NAGS: variants seen among roughly 807,000 people sequenced by gnomAD.
NAGS encodes N-acetylglutamate synthase, mitochondrial.
Under a neutral mutation model 46.9 loss-of-function variants are expected in NAGS, and 34 were observed. The ratio of observed to expected loss-of-function variants is 0.72; its 90% CI spans 0.55 to 0.97. The LOEUF is 0.97. Among genes scored for constraint, NAGS ranks in the 50% least tolerant of loss-of-function variants. The probability of loss-of-function intolerance (pLI) is 0.00; values close to 1 mark genes in which losing one functional copy is unlikely to be tolerated. For synonymous variants in NAGS, 334 were observed against 346.3 expected, an observed-to-expected ratio of 0.96 and a Z score of 0.39; for missense variants, 665 against 747.0, an observed-to-expected ratio of 0.89 and a Z score of 1.28.
chr17:44,007,245 G>T lies in NAGS; in HGVS notation c.1097-78G>T. Reference sequence around the variant, plus strand: ...CAAAGACGGAAATTGTCCCACCAGCGCCTGTCCTACCTGCAGTCCCCACCA... The same window carrying T: ...CAAAGACGGAAATTGTCCCACCAGCTCCTGTCCTACCTGCAGTCCCCACCA... On this transcript the variant is annotated intron_variant, in intron 4 of 6. Coordinates refer to ENST00000293404, the MANE Select transcript of NAGS (RefSeq NM_153006.3). The surrounding 1 kb of genome is among the most constrained non-coding windows in gnomAD (Gnocchi z 5.1). 7.1e-7 allele frequency: 1 copy of T among 1,405,960 alleles called. No homozygotes were observed. 87.1% of individuals were successfully genotyped at this position (1,405,960 alleles called of 1,614,324 possible).
chr17:44,008,798 C>G lies in NAGS; in HGVS notation c.*197C>G. On this transcript the variant is annotated 3_prime_UTR_variant, in exon 7 of 7. Transcript: ENST00000293404. Reference sequence around the variant, plus strand: ...AAGCACAGGAAAGAAGGGGACCAGTCTAGGACCCCAACTCGACTCACTCTA... The same window carrying G: ...AAGCACAGGAAAGAAGGGGACCAGTGTAGGACCCCAACTCGACTCACTCTA... The G allele has an allele frequency of 7.1e-6, 5 of 700,616 alleles. No homozygotes were observed. The highest frequency in any genetic ancestry group is 1.2e-5 in the Non-Finnish European group (5 of 411,282). The allele number at this position is 700,616 out of a possible 1,614,324, so 43.4% of individuals were successfully genotyped here.
At position 44,005,918 on chromosome 17, in the gene NAGS, GC is replaced by G. The variant is rs1304329263; in HGVS notation, c.701+10del. The G allele has an allele frequency of 1.9e-6, 3 of 1,546,378 alleles. No individual in the cohort carries two copies. The highest frequency in any genetic ancestry group is 2.6e-6 in the Non-Finnish European group (3 of 1,150,260). On this transcript the variant is annotated splice_region_variant and intron_variant, in intron 2 of 6. Transcript: ENST00000293404. The surrounding 1 kb of genome is among the most constrained non-coding windows in gnomAD (Gnocchi z 7.2). ...AGCCGGCTCCCCATGCCAGGTGAGT[GC>G]CCGCCCTGCCCGCCCAGGCGTCCTC...
At position 44,005,499 on chromosome 17, in the gene NAGS, A is replaced by T; in HGVS notation, c.427-138A>T. On this transcript the variant is annotated intron_variant, in intron 1 of 6. Coordinates refer to ENST00000293404, the MANE Select transcript of NAGS (RefSeq NM_153006.3). This position sits in a 1 kb window ranked among gnomAD's most constrained non-coding sequence, Gnocchi z 7.2. The stretch of plus-strand genomic sequence containing the variant: ...GACCCAACGGGGCAAAGGGCGGAGC[A>T]GGTGGGCACTGGTGGCCAGAACTGG... 8.5e-7 allele frequency: 1 copy of T among 1,181,742 alleles called. No individual in the cohort carries two copies. The highest frequency in any genetic ancestry group is 1.2e-6 in the Non-Finnish European group (1 of 831,468). 73.2% of individuals were successfully genotyped at this position (1,181,742 alleles called of 1,614,324 possible).
rs768969364 is a variant in NAGS at position 44,007,625 on chromosome 17, G to A, written c.1303G>A (p.Val435Ile). Residue 435 changes from valine to isoleucine, a missense_variant, in exon 6 of 7, where the codon GTC becomes ATC. Transcript: ENST00000293404. The surrounding 1 kb of genome is among the most constrained non-coding windows in gnomAD (Gnocchi z 5.1). The part of the protein sequence containing the change: ...NAAAILTMEP[V>I]LGGTPYLDKF... ...CGCCGCCATTCTGACCATGGAGCCC[G>A]TCCTGGGGGGCACCCCGTACCTGGA... is the stretch of plus-strand genomic sequence containing the variant. The A allele has an allele frequency of 1.2e-6, 2 of 1,606,032 alleles. No homozygotes were observed. Among genetic ancestry groups the A allele is most frequent in the South Asian group, 2.2e-5 (2 of 90,068 alleles).
In NAGS at chr17:44,006,145, C is replaced by T; in HGVS notation, c.823C>T (p.Leu275=). The T allele has an allele frequency of 1.2e-6, 2 of 1,613,290 alleles. No individual in the cohort carries two copies. Among genetic ancestry groups the T allele is most frequent in the Non-Finnish European group, 1.7e-6 (2 of 1,179,962 alleles). The change falls in exon 3 of 7, where the codon CTG becomes TTG. Residue 275 remains leucine, a synonymous_variant. Coordinates refer to ENST00000293404, the MANE Select transcript of NAGS (RefSeq NM_153006.3). This position sits in a 1 kb window ranked among gnomAD's most constrained non-coding sequence, Gnocchi z 4.8. ...AARRSVLLDS[L]EVTASLAKAL... Reference sequence around the variant, plus strand: ...GCGCCGCTCCGTGCTTCTCGACTCCCTGGAGGTGACCGCGTCGCTGGCCAA... The same window carrying T: ...GCGCCGCTCCGTGCTTCTCGACTCCTTGGAGGTGACCGCGTCGCTGGCCAA...
chr17:44,004,763 G>A lies in NAGS; in HGVS notation c.100G>A (p.Gly34Ser). ...TGGGGGCGCCCGAAGGCTGAGCTGT[G>A]GCGCGCGGCGGCGGGCGGCGAGGGG... is the stretch of plus-strand genomic sequence containing the variant. ...GTGGARRLSC[G>S]ARRRAARGTS... is the part of the protein sequence containing the mutation. Residue 34 changes from glycine (G) to serine (S), a missense_variant, in exon 1 of 7, where the codon GGC (glycine) becomes AGC (serine). Coordinates refer to ENST00000293404, the MANE Select transcript of NAGS (RefSeq NM_153006.3). The A allele has an allele frequency of 7.1e-7, 1 of 1,398,944 alleles. No homozygotes were observed. The highest frequency in any genetic ancestry group is 9.2e-7 in the Non-Finnish European group (1 of 1,082,676). 86.7% of individuals were successfully genotyped at this position (1,398,944 alleles called of 1,614,324 possible). A position where few individuals can be genotyped will look rare whatever the true frequency, so the allele number is the denominator to read the frequency against.
Position 44,006,895 on chromosome 17 carries a change from T to G in NAGS, c.1096+186T>G, listed in dbSNP as rs1202977775. Reference sequence around the variant, plus strand: ...GGAGGTGAGAGAGGAGGAGACCCAGTGTACTGGAAGGGAACTCCGAAGGAA... The same window carrying G: ...GGAGGTGAGAGAGGAGGAGACCCAGGGTACTGGAAGGGAACTCCGAAGGAA... On this transcript the variant is annotated intron_variant, in intron 4 of 6. Transcript: ENST00000293404. The surrounding 1 kb of genome is among the most constrained non-coding windows in gnomAD (Gnocchi z 4.8). 2.8e-5 allele frequency: 16 copies of G among 576,762 alleles called. No individual in the cohort carries two copies. The highest frequency in any genetic ancestry group is 6.4e-5 in the South Asian group (3 of 46,918). The allele number at this position is 576,762 out of a possible 1,614,324, so 35.7% of individuals were successfully genotyped here.
Position 44,006,715 on chromosome 17 carries a change from G to A in NAGS, c.1096+6G>A, listed in dbSNP as rs375193099. 5.0e-6 allele frequency: 8 copies of A among 1,594,436 alleles called. No individual in the cohort carries two copies. In the African/African-American group the frequency reaches 8.0e-5, roughly 16 times the overall value. ...TGAGCTCTTTAGCAACAAGGGTGAG[G>A]GCGGTGGGCGGGCCGGGGACTGGGT... On this transcript the variant is annotated splice_donor_region_variant and intron_variant, in intron 4 of 6. Transcript: ENST00000293404. This position sits in a 1 kb window ranked among gnomAD's most constrained non-coding sequence, Gnocchi z 4.8.
chr17:44,008,668 T>A lies in NAGS; in HGVS notation c.*67T>A, dbSNP rs2049125350. On this transcript the variant is annotated 3_prime_UTR_variant, in exon 7 of 7. Transcript: ENST00000293404. ...GACCAAAAGCCATGCCAGCTGGGCA[T>A]GACCCCAGGCAGCCAGCCACAGGCT... 6.2e-7 allele frequency: 1 copy of A among 1,605,600 alleles called. No individual in the cohort carries two copies. The highest frequency in any genetic ancestry group is 8.5e-7 in the Non-Finnish European group (1 of 1,173,990).
At position 44,006,773 on chromosome 17, in the gene NAGS, C is replaced by T; in HGVS notation, c.1096+64C>T. Reference sequence around the variant, plus strand: ...GTGAGTACTGGCCGGGGCTGGGTGTCTGCGGTCAGGAGGAGCGGCTTCTCC... The same window carrying T: ...GTGAGTACTGGCCGGGGCTGGGTGTTTGCGGTCAGGAGGAGCGGCTTCTCC... On this transcript the variant is annotated intron_variant, in intron 4 of 6. Coordinates refer to ENST00000293404, the MANE Select transcript of NAGS (RefSeq NM_153006.3). This position sits in a 1 kb window ranked among gnomAD's most constrained non-coding sequence, Gnocchi z 4.8. 1 of 1,503,104 alleles carries T rather than the reference C, an allele frequency of 6.7e-7. No individual in the cohort carries two copies. Among genetic ancestry groups the T allele is most frequent in the Non-Finnish European group, 9.0e-7 (1 of 1,116,208 alleles). 93.1% of individuals were successfully genotyped at this position (1,503,104 alleles called of 1,614,324 possible).
chr17:44,006,093 C>A lies in NAGS; in HGVS notation c.771C>A (p.Ile257=), dbSNP rs777226243. The change falls in exon 3 of 7, where the codon ATC becomes ATA. Residue 257 remains isoleucine (I), a synonymous_variant. Coordinates refer to ENST00000293404, the MANE Select transcript of NAGS (RefSeq NM_153006.3). This position sits in a 1 kb window ranked among gnomAD's most constrained non-coding sequence, Gnocchi z 4.8. ...GCCTGGAGTCGGGCAGCATCCCCAT[C>A]CTGTGCCCCATCGGGGAGACGGCCG... ...QWCLESGSIP[I]LCPIGETAAR... is the part of the protein sequence containing the mutation. The A allele has an allele frequency of 6.2e-7, 1 of 1,612,774 alleles. No homozygotes were observed. Among genetic ancestry groups the A allele is most frequent in the South Asian group, 1.1e-5 (1 of 90,996 alleles).
At position 44,005,345 on chromosome 17, in the gene NAGS, C is replaced by A. The variant is rs562609769; in HGVS notation, c.426+256C>A. On this transcript the variant is annotated intron_variant, in intron 1 of 6. Transcript: ENST00000293404. The surrounding 1 kb of genome is among the most constrained non-coding windows in gnomAD (Gnocchi z 7.2). ...CTCTGAAGAAGGCCCCCAACATGGG[C>A]GCAGTTAGGGGTTCAGAAGGACCTG... Among the ~76,000 whole-genome samples the A allele has an allele frequency of 3.9e-5, 6 of 152,206 alleles. No individual in the cohort carries two copies. Among genetic ancestry groups the A allele is most frequent in the Non-Finnish European group, 8.8e-5 (6 of 68,040 alleles).
Position 44,004,630 on chromosome 17 carries a change from T to C in NAGS, c.-34T>C. ...CCAGTGCCAGACGCTCCAGACAGAC[T>C]GCCACTCTTGGGGGGCAAGAGTTGG... On this transcript the variant is annotated 5_prime_UTR_variant, in exon 1 of 7. Transcript: ENST00000293404. 1 of 1,485,310 alleles carries C rather than the reference T, an allele frequency of 6.7e-7. No homozygotes were observed. The highest frequency in any genetic ancestry group is 9.0e-7 in the Non-Finnish European group (1 of 1,115,918). The allele number at this position is 1,485,310 out of a possible 1,614,324, so 92.0% of individuals were successfully genotyped here.
In NAGS at chr17:44,007,235, T is replaced by G; in HGVS notation, c.1097-88T>G. The G allele has an allele frequency of 7.8e-7, 1 of 1,288,098 alleles. No individual in the cohort carries two copies. The highest frequency in any genetic ancestry group is 1.1e-6 in the Non-Finnish European group (1 of 920,896). The allele number at this position is 1,288,098 out of a possible 1,614,324, so 79.8% of individuals were successfully genotyped here. ...GGAGGTCTCCCAAAGACGGAAATTG[T>G]CCCACCAGCGCCTGTCCTACCTGCA... On this transcript the variant is annotated intron_variant, in intron 4 of 6. Transcript: ENST00000293404. The surrounding 1 kb of genome is among the most constrained non-coding windows in gnomAD (Gnocchi z 5.1).
Position 44,006,219 on chromosome 17 carries a change from G to A in NAGS, c.897G>A (p.Leu299=), listed in dbSNP as rs1453345879. 17 of 1,613,260 alleles carry A rather than the reference G, an allele frequency of 1.1e-5. No homozygotes were observed. In the East Asian group the frequency reaches 1.3e-4, roughly 13 times the overall value. ...TCTTCCTCAATAACACAGGCGGCCT[G>A]CGCGACAGCAGTCATAAGGTGCGGC... ...KIIFLNNTGG[L]RDSSHKVLSN... The change falls in exon 3 of 7, where the codon CTG becomes CTA. Residue 299 remains leucine (L), a synonymous_variant. Transcript: ENST00000293404. The surrounding 1 kb of genome is among the most constrained non-coding windows in gnomAD (Gnocchi z 4.8).
Position 44,006,261 on chromosome 17 carries a change from C to T in NAGS, c.915+24C>T. On this transcript the variant is annotated intron_variant, in intron 3 of 6. Transcript: ENST00000293404. This position sits in a 1 kb window ranked among gnomAD's most constrained non-coding sequence, Gnocchi z 4.8. ...AGGTGCGGCCCTTTCTTTCACCTTCCCCCACGCCGGCGATCCGGGCCTTCT... is the reference window on the plus strand; with the variant it reads ...AGGTGCGGCCCTTTCTTTCACCTTCTCCCACGCCGGCGATCCGGGCCTTCT... 1 of 1,610,466 alleles carries T rather than the reference C, an allele frequency of 6.2e-7. No homozygotes were observed. The highest frequency in any genetic ancestry group is 8.5e-7 in the Non-Finnish European group (1 of 1,178,642).
Position 44,007,495 on chromosome 17 carries a change from G to T in NAGS, c.1268+1G>T. On this transcript the variant is annotated splice_donor_variant, in intron 5 of 6. Coordinates refer to ENST00000293404, the MANE Select transcript of NAGS (RefSeq NM_153006.3). LOFTEE classifies it high-confidence loss of function. This position sits in a 1 kb window ranked among gnomAD's most constrained non-coding sequence, Gnocchi z 5.1. ...TGCACTCCATCTACGTCTCCGAGGG[G>T]TAAGCCTGCGGACCCCAGAGGGCGG... 6.2e-7 allele frequency: 1 copy of T among 1,613,652 alleles called. No individual in the cohort carries two copies. Among genetic ancestry groups the T allele is most frequent in the South Asian group, 1.1e-5 (1 of 91,070 alleles).
In NAGS at chr17:44,005,098, A is replaced by G; in HGVS notation, c.426+9A>G. On this transcript the variant is annotated intron_variant, in intron 1 of 6. Coordinates refer to ENST00000293404, the MANE Select transcript of NAGS (RefSeq NM_153006.3). This position sits in a 1 kb window ranked among gnomAD's most constrained non-coding sequence, Gnocchi z 7.2. Reference sequence around the variant, plus strand: ...CCTTCGCCGTCATCGAGGTGAGCGGAGCCCGGCGTGGGCCGTGACGCAGCG... The same window carrying G: ...CCTTCGCCGTCATCGAGGTGAGCGGGGCCCGGCGTGGGCCGTGACGCAGCG... 6.4e-7 allele frequency: 1 copy of G among 1,563,966 alleles called. No homozygotes were observed. Among genetic ancestry groups the G allele is most frequent in the Non-Finnish European group, 8.6e-7 (1 of 1,158,494 alleles).
At position 44,005,029 on chromosome 17, in the gene NAGS, C is replaced by G. The variant is rs2049066920; in HGVS notation, c.366C>G (p.His122Gln). The G allele has an allele frequency of 6.4e-7, 1 of 1,566,960 alleles. No individual in the cohort carries two copies. The highest frequency in any genetic ancestry group is 8.6e-7 in the Non-Finnish European group (1 of 1,161,784). ...GGGCCAGCCCTGGGGAGGCGCGCCA[C>G]TGGCTCACGCAGTTCCAGACCTGCC... ...QCGASPGEAR[H>Q]WLTQFQTCHH... The change falls in exon 1 of 7, where the codon CAC becomes CAG. Residue 122 changes from histidine (H) to glutamine (Q), a missense_variant. By Grantham distance (24) the His-to-Gln change is conservative (BLOSUM62 0). Coordinates refer to ENST00000293404, the MANE Select transcript of NAGS (RefSeq NM_153006.3). This position sits in a 1 kb window ranked among gnomAD's most constrained non-coding sequence, Gnocchi z 7.2.
Sources: gnomAD v4.1 joint callset for allele counts (sites outside exome capture counted in the v4.1 genomes callset) on GRCh38, gnomAD v4.1.1 for gene constraint, Gnocchi (gnomAD v3.1) non-coding constraint, MANE v1.5 for transcripts, NCBI Gene and HGNC (gene_info 2026-07-23, HGNC 2026-07-21) for gene names.